The following ANO6 variants were observed in gnomAD, a reference collection of about 807,000 sequenced individuals.
ANO6 encodes anoctamin-6.
In ANO6, 106 loss-of-function variants were observed where a neutral mutation model predicts 117.5. The ratio of observed to expected loss-of-function variants is 0.90; its 90% CI spans 0.77 to 1.06. The LOEUF is 1.06. Among genes scored for constraint, ANO6 ranks in the 50% least tolerant of loss-of-function variants. The probability of loss-of-function intolerance (pLI) is 0.00; values close to 1 mark genes in which losing one functional copy is unlikely to be tolerated. For missense variants in ANO6, 955 were observed against 1,121.1 expected (o/e 0.85, Z 2.12); for synonymous variants, 367 against 385.1 (o/e 0.95, Z 0.55).
chr12:45,327,513 G>A (rs1940510176), intron 2 of ANO6, among the ~76,000 whole-genome samples: 1 of 152,168 alleles, frequency 6.6e-6, no homozygotes, highest in Admixed American at 6.5e-5. Flanking sequence ...CAGAAAATTG[G>A]AGACTACTTC....
chr12:45,284,037 A>G (rs1199058327), intron 1 of ANO6, among the ~76,000 whole-genome samples: 2 of 152,244 alleles, frequency 1.3e-5, no homozygotes, highest in African/African-American at 4.8e-5. Flanking sequence ...ATTTGATCAT[A>G]GTTTTAGATG....
At chr12:45,299,072 AT>A (rs1021049434) in intron 1 of ANO6, among the ~76,000 whole-genome samples, 7 of 152,132 alleles carry the variant, frequency 4.6e-5, no homozygotes, top group African/African-American at 2.4e-5. Flanking sequence ...CATAGATATA[AT>A]TTTTTTAACA....
intron 3 of ANO6, among the ~76,000 whole-genome samples, chr12:45,346,390 G>A (rs1343490907): frequency 6.6e-6 from 1 of 152,088 alleles, no homozygotes; most frequent in Non-Finnish European, 1.5e-5. Flanking sequence ...AGTATATTCT[G>A]TATCTTTTGA....
At chr12:45,256,473 C>A (rs1321869251) in intron 1 of ANO6, 1 of 152,098 alleles carries the variant, frequency 6.6e-6, no homozygotes, top group African/African-American at 2.4e-5. Context: ...ATTATTGCTG[C>A]TCATATATAG....
intron 16 of ANO6, among the ~76,000 whole-genome samples, chr12:45,416,338 AT>A (rs1178674531): frequency 6.6e-6 from 1 of 152,034 alleles, no homozygotes; most frequent in Non-Finnish European, 1.5e-5. Context: ...TAAAAAAAAA[AT>A]CCTAAACCAC....
At chr12:45,290,451 T>G (rs1181532866) in intron 1 of ANO6, among the ~76,000 whole-genome samples, 2 of 152,142 alleles carry the variant, frequency 1.3e-5, no homozygotes, top group East Asian at 3.8e-4. Context: ...CACTATAATC[T>G]GGGAACTGAC....
At chr12:45,319,006 A>T (rs1373966469) in intron 2 of ANO6, among the ~76,000 whole-genome samples, 1 of 152,178 alleles carries the variant, frequency 6.6e-6, no homozygotes, top group Non-Finnish European at 1.5e-5. Context: ...CAGCTTAAGG[A>T]GATTTTGAAC....
At chr12:45,395,240 C>T (rs142895452) in intron 12 of ANO6, among the ~76,000 whole-genome samples, 8,358 of 152,130 alleles carry the variant, frequency 0.055, 470 homozygotes, top group East Asian at 0.32. Flanking sequence ...AGAAAATCTA[C>T]AAGAAATGGA....
At position 45,396,979 on chromosome 12, in the gene ANO6, C is replaced by T. The variant is rs1402663416; in HGVS notation, c.1387-4816C>T. 2.0e-5 allele frequency among the ~76,000 whole-genome samples: 3 copies of T among 152,090 alleles called. No individual in the cohort carries two copies. The East Asian group carries it at 5.8e-4, about 29-fold the overall frequency. ...ACACCAAAAGCAATAGCAACAAAAG[C>T]CAAAATAGACAAATGGGATCTAATT... is the stretch of plus-strand genomic sequence containing the variant. On this transcript the variant is annotated intron_variant, in intron 12 of 19. Transcript: ENST00000320560.
At chr12:45,381,229 A>G (rs1320714578) in intron 10 of ANO6, among the ~76,000 whole-genome samples, 1 of 152,232 alleles carries the variant, frequency 6.6e-6, no homozygotes, top group Non-Finnish European at 1.5e-5. Flanking sequence ...GTTTAGATAC[A>G]GTAATATCCT....
At chr12:45,411,360 T>A (rs914687046) in intron 16 of ANO6, among the ~76,000 whole-genome samples, 5 of 152,238 alleles carry the variant, frequency 3.3e-5, no homozygotes, top group African/African-American at 1.2e-4. Flanking sequence ...TTTATTAGGT[T>A]GTTTTCCTGT....
intron 3 of ANO6, among the ~76,000 whole-genome samples, chr12:45,342,595 AT>A (rs1411508840): frequency 1.3e-5 from 2 of 151,966 alleles, no homozygotes; most frequent in Non-Finnish European, 1.5e-5. Context: ...GGCTCAGAAA[AT>A]TTGGGGGGCT....
chr12:45,330,194 T>C (rs1343560599), intron 2 of ANO6, among the ~76,000 whole-genome samples: 1 of 152,158 alleles, frequency 6.6e-6, no homozygotes, highest in Non-Finnish European at 1.5e-5. Flanking sequence ...AACCTTCATG[T>C]GTTCCACAGT....
chr12:45,377,495 G>C (rs1005397272), intron 9 of ANO6, among the ~76,000 whole-genome samples: 1 of 152,150 alleles, frequency 6.6e-6, no homozygotes, highest in Non-Finnish European at 1.5e-5. Context: ...ATCTGTCAGT[G>C]ATGGTAGAAA....
At chr12:45,424,295 A>T (rs997175090) in intron 19 of ANO6, among the ~76,000 whole-genome samples, 2 of 149,780 alleles carry the variant, frequency 1.3e-5, no homozygotes, top group Admixed American at 1.3e-4. Context: ...AAGGGAAGAG[A>T]ATCTACAGAG....
In ANO6 at chr12:45,402,030, T is replaced by G; in HGVS notation, c.1612+10T>G. The stretch of plus-strand genomic sequence containing the variant: ...ATGATTACTAACTTCGGTAAGGTCC[T>G]ACTATAGCTTAGGTAACTTCTGACA... On this transcript the variant is annotated intron_variant, in intron 13 of 19. Coordinates refer to ENST00000320560, the MANE Select transcript of ANO6 (RefSeq NM_001025356.3). 1 of 1,605,166 alleles carries G rather than the reference T, an allele frequency of 6.2e-7. No individual in the cohort carries two copies. The highest frequency in any genetic ancestry group is 8.5e-7 in the Non-Finnish European group (1 of 1,172,660).
intron 2 of ANO6, among the ~76,000 whole-genome samples, chr12:45,308,698 G>A (rs1334210078): frequency 2.0e-5 from 3 of 152,250 alleles, no homozygotes; most frequent in African/African-American, 7.2e-5. Context: ...AGGCTAACTA[G>A]AGCAACCTGG....
At chr12:45,378,787 A>G (rs534718566) in intron 10 of ANO6, among the ~76,000 whole-genome samples, 2 of 152,256 alleles carry the variant, frequency 1.3e-5, no homozygotes, top group East Asian at 3.9e-4. Flanking sequence ...ATCAGGAGGA[A>G]GCAGCAACAC....
At position 45,431,551 on chromosome 12, in the gene ANO6, C is replaced by T. The variant is rs966940630; in HGVS notation, c.*2240C>T. On this transcript the variant is annotated 3_prime_UTR_variant, in exon 20 of 20. Coordinates refer to ENST00000320560, the MANE Select transcript of ANO6 (RefSeq NM_001025356.3). Reference sequence around the variant, plus strand: ...ACAGGAGGGGAAAAAAAACCCTCTACATATTGAAAGGCACCAAATGTAATA... The same window carrying T: ...ACAGGAGGGGAAAAAAAACCCTCTATATATTGAAAGGCACCAAATGTAATA... 1.1e-5 allele frequency: 11 copies of T among 985,290 alleles called. No individual in the cohort carries two copies. Among genetic ancestry groups the T allele is most frequent in the Admixed American group, 1.2e-4 (2 of 16,264 alleles). 61.0% of individuals were successfully genotyped at this position (985,290 alleles called of 1,614,324 possible).
Sources: allele counts gnomAD v4.1 joint callset (sites outside exome capture counted in the v4.1 genomes callset), GRCh38; gene constraint gnomAD v4.1.1; transcripts MANE v1.5; gene names NCBI Gene and HGNC (gene_info 2026-07-23, HGNC 2026-07-21).